CADM3: variants seen among roughly 807,000 people sequenced by gnomAD.
CADM3 encodes the protein TSLC1-like 1.
CADM3 carries 11 observed loss-of-function variants against 44.9 expected under a neutral mutation model. The observed-to-expected ratio is 0.25, with a 90% CI of 0.15 to 0.41. The LOEUF (loss-of-function observed/expected upper bound fraction) is 0.41, where lower values mean the gene tolerates loss of function less well. CADM3 is among the 10% of genes least tolerant of loss of function. CADM3 has a pLI of 1.00. For missense variants in CADM3, 426 were observed against 512.0 expected (o/e 0.83, Z 1.62); for synonymous variants, 207 against 205.2 (o/e 1.01, Z -0.08).
intron 1 of CADM3, among the ~76,000 whole-genome samples, chr1:159,191,143 T>TTTTTG (rs952278029): frequency 2.1e-4 from 32 of 152,290 alleles, no homozygotes; most frequent in South Asian, 4.1e-4. Context: ...TTCCTAGTCC[T>TTTTTG]TTTTGTTTTG....
At chr1:159,184,132 G>A (rs1012067585) in intron 1 of CADM3, among the ~76,000 whole-genome samples, 2 of 152,212 alleles carry the variant, frequency 1.3e-5, no homozygotes, top group African/African-American at 4.8e-5. Flanking sequence ...CAGGGGCTGA[G>A]TTCTAATCCT....
At position 159,180,292 on chromosome 1, in the gene CADM3, T is replaced by C. The variant is rs567792982; in HGVS notation, c.88+8439T>C. On this transcript the variant is annotated intron_variant, in intron 1 of 8. Transcript: ENST00000368125. ...ATGTCAGAAAAAAACCCCAGAAATA[T>C]GATTAGTGAGAATCAGAGTGTCTTG... Among the ~76,000 whole-genome samples the C allele has an allele frequency of 1.6e-4, 24 of 152,276 alleles. No homozygotes were observed. The South Asian group carries it at 5.0e-3, about 32-fold the overall frequency.
At chr1:159,186,060 G>A (rs1054450278) in intron 1 of CADM3, among the ~76,000 whole-genome samples, 17 of 152,206 alleles carry the variant, frequency 1.1e-4, no homozygotes, top group African/African-American at 1.9e-4. Flanking sequence ...CAAAATGTAG[G>A]CTTTATTCAT....
At chr1:159,184,433 GTCA>G (rs1056382255) in intron 1 of CADM3, among the ~76,000 whole-genome samples, 1 of 152,094 alleles carries the variant, frequency 6.6e-6, no homozygotes, top group African/African-American at 2.4e-5. Context: ...GAAATGCTGA[GTCA>G]TCATCATCAT....
chr1:159,191,949 G>C lies in CADM3; in HGVS notation c.102G>C (p.Trp34Cys), dbSNP rs1241872262. Residue 34 changes from tryptophan (W) to cysteine (C), a missense_variant, in exon 2 of 9, where the codon TGG (tryptophan) becomes TGC (cysteine). Physicochemically the swap from Trp to Cys is radical, Grantham distance 215 (BLOSUM62 -2). Coordinates refer to ENST00000368125, the MANE Select transcript of CADM3 (RefSeq NM_001127173.3). The part of the protein sequence containing the change: ...ANLSQDDSQP[W>C]TSDETVVAGG... ...CTACTCCTGCAGACAGCCAGCCCTG[G>C]ACATCTGATGAAACAGTGGTGGCTG... The C allele has an allele frequency of 1.2e-6, 2 of 1,613,956 alleles. No homozygotes were observed. Among genetic ancestry groups the C allele is most frequent in the Non-Finnish European group, 1.7e-6 (2 of 1,180,024 alleles).
Position 159,173,320 on chromosome 1 carries a change from A to C in CADM3, c.88+1467A>C, listed in dbSNP as rs1206479758. Among the ~76,000 whole-genome samples the C allele has an allele frequency of 2.6e-5, 4 of 152,026 alleles. No homozygotes were observed. In the East Asian group the frequency reaches 7.7e-4, roughly 29 times the overall value. ...AGGCGAAGAGCCAGGGTGCTGGAGG[A>C]ATAATCGCTCCACCTCGCCTGACCT... On this transcript the variant is annotated intron_variant, in intron 1 of 8. Coordinates refer to ENST00000368125, the MANE Select transcript of CADM3 (RefSeq NM_001127173.3).
rs1650247960 is a variant in CADM3, at chr1:159,202,179, T to G, written c.*1257T>G. The G allele has an allele frequency of 6.5e-6, 1 of 153,338 alleles. No individual in the cohort carries two copies. The highest frequency in any genetic ancestry group is 2.4e-5 in the African/African-American group (1 of 41,424). 9.5% of individuals were successfully genotyped at this position (153,338 alleles called of 1,614,324 possible). ...CTAAGAGCCAGGGGTCCTGGGCAAG[T>G]GGACAGGGCTGTGGGACATGTTGGG... is the stretch of plus-strand genomic sequence containing the variant. On this transcript the variant is annotated 3_prime_UTR_variant, in exon 9 of 9. Coordinates refer to ENST00000368125, the MANE Select transcript of CADM3 (RefSeq NM_001127173.3).
At chr1:159,192,807 G>T (rs1649729562) in intron 3 of CADM3, 77 bp downstream of exon 3, 1 of 1,454,786 alleles carries the variant, frequency 6.9e-7, no homozygotes, top group African/African-American at 1.4e-5. Flanking sequence ...CCCTGAAGCA[G>T]CTGGGAGCCA....
At chr1:159,189,914 C>G (rs375535675) in intron 1 of CADM3, 3 of 1,310,968 alleles carry the variant, frequency 2.3e-6, no homozygotes, top group Non-Finnish European at 3.2e-6. Context: ...CCTCAGTTCC[C>G]TCACTCATCC....
At chr1:159,176,284 A>C (rs182837378) in intron 1 of CADM3, among the ~76,000 whole-genome samples, 56 of 152,326 alleles carry the variant, frequency 3.7e-4, no homozygotes, top group Admixed American at 1.7e-3. Context: ...TCATGTTAGA[A>C]TGTAATGTTT....
At chr1:159,197,728 C>T (rs1649964649) in intron 7 of CADM3, 2 of 152,182 alleles carry the variant, frequency 1.3e-5, no homozygotes, top group South Asian at 4.1e-4. Context: ...ATCCCAATGG[C>T]TGTGGGTCCC....
At chr1:159,189,905 C>A in intron 1 of CADM3, 1 of 1,444,412 alleles carries the variant, frequency 6.9e-7, no homozygotes, top group East Asian at 2.4e-5. Context: ...CTCAATGTCC[C>A]TCAGTTCCCT....
At chr1:159,196,807 T>A in intron 6 of CADM3, 84 bp from the exon 7 acceptor site, 1 of 1,340,312 alleles carries the variant, frequency 7.5e-7, no homozygotes, top group South Asian at 1.4e-5. Flanking sequence ...GTCCTTGACA[T>A]CCCTGCTCCC....
intron 1 of CADM3, among the ~76,000 whole-genome samples, chr1:159,183,578 G>A (rs1174650804): frequency 6.6e-6 from 1 of 152,160 alleles, no homozygotes; most frequent in Non-Finnish European, 1.5e-5. Flanking sequence ...AAGTGGATGT[G>A]AGCTGGAACG....
At chr1:159,189,405 C>T (rs1228256220) in intron 1 of CADM3, among the ~76,000 whole-genome samples, 1 of 152,174 alleles carries the variant, frequency 6.6e-6, no homozygotes, top group East Asian at 1.9e-4. Context: ...GGTGGTCTTT[C>T]ATTTTTCTCT....
chr1:159,175,806 T>G (rs982592217), intron 1 of CADM3, among the ~76,000 whole-genome samples: 5 of 152,232 alleles, frequency 3.3e-5, no homozygotes, highest in Admixed American at 3.3e-4. Context: ...GAGTGACTCA[T>G]AGTTCTGCAG....
At chr1:159,184,846 C>T (rs989224052) in intron 1 of CADM3, among the ~76,000 whole-genome samples, 1 of 152,162 alleles carries the variant, frequency 6.6e-6, no homozygotes, top group Non-Finnish European at 1.5e-5. Context: ...ATAACAGGTG[C>T]TTTAAAGAAG....
intron 1 of CADM3, among the ~76,000 whole-genome samples, chr1:159,179,880 A>G (rs975671120): frequency 1.3e-5 from 2 of 151,970 alleles, no homozygotes; most frequent in South Asian, 2.1e-4. Flanking sequence ...TGTAGTTCTT[A>G]AGGATGAGAT....
chr1:159,171,924 T>C (rs1209435934), intron 1 of CADM3, 71 bp downstream of exon 1: 27 of 1,036,112 alleles, frequency 2.6e-5, no homozygotes, highest in Non-Finnish European at 3.1e-5. Flanking sequence ...ATCGGGAGTC[T>C]CGCGGAAGGA....
Sources: gnomAD v4.1 joint callset for allele counts (sites outside exome capture counted in the v4.1 genomes callset) on GRCh38, gnomAD v4.1.1 for gene constraint, MANE v1.5 for transcripts, NCBI Gene and HGNC (gene_info 2026-07-23, HGNC 2026-07-21) for gene names.